The following COG6 variants were observed in gnomAD, a reference collection of about 807,000 sequenced individuals.
The protein encoded by COG6 is component of oligomeric golgi complex 6, also known as conserved oligomeric Golgi complex subunit 6.
Under a neutral mutation model 88.8 loss-of-function variants are expected in COG6, and 74 were observed. The observed-to-expected ratio is 0.83, with a 90% CI of 0.69 to 1.01. The LOEUF is 1.01. Among genes scored for constraint, COG6 ranks in the 50% least tolerant of loss-of-function variants. COG6 has a pLI of 0.00. For missense variants in COG6, 800 were observed against 797.9 expected, an observed-to-expected ratio of 1.00 and a Z score of -0.03; for synonymous variants, 286 against 278.7, an observed-to-expected ratio of 1.03 and a Z score of -0.26.
chr13:39,756,156 GT>G, downstream of COG6, among the ~76,000 whole-genome samples: 1 of 152,024 alleles, frequency 6.6e-6, no homozygotes, highest in Non-Finnish European at 1.5e-5. Flanking sequence ...TAAAAAGGAA[GT>G]TTTTAATACA....
intron 4 of COG6, among the ~76,000 whole-genome samples, chr13:39,668,705 A>G (rs1284397059): frequency 2.6e-5 from 4 of 151,686 alleles, no homozygotes; most frequent in Non-Finnish European, 4.4e-5. Flanking sequence ...GGAGAATGGC[A>G]TGAACCAGGG....
intron 3 of COG6, among the ~76,000 whole-genome samples, 193 bp downstream of exon 3, chr13:39,661,074 C>T (rs1874867919): frequency 6.6e-6 from 1 of 152,044 alleles, no homozygotes; most frequent in African/African-American, 2.4e-5. Context: ...GTTCAATTAA[C>T]TTTAGAGCAT....
chr13:39,666,803 A>G (rs955544016), intron 4 of COG6, among the ~76,000 whole-genome samples: 1 of 152,230 alleles, frequency 6.6e-6, no homozygotes, highest in Non-Finnish European at 1.5e-5. Context: ...TCTTATAAAA[A>G]CATTGAGAAA....
intron 11 of COG6, among the ~76,000 whole-genome samples, chr13:39,692,216 C>A (rs962618383): frequency 6.6e-6 from 1 of 151,860 alleles, no homozygotes; most frequent in East Asian, 1.9e-4. Context: ...CAGCATCAAC[C>A]CTATTACTTT....
At position 39,665,088 on chromosome 13, in the gene COG6, A is replaced by G; in HGVS notation, c.370-8A>G. 7.6e-7 allele frequency: 1 copy of G among 1,309,080 alleles called. No homozygotes were observed. Among genetic ancestry groups the G allele is most frequent in the Non-Finnish European group, 1.1e-6 (1 of 903,708 alleles). 81.1% of individuals were successfully genotyped at this position (1,309,080 alleles called of 1,614,324 possible). A position where few individuals can be genotyped will look rare whatever the true frequency, so the allele number is the denominator to read the frequency against. On this transcript the variant is annotated splice_polypyrimidine_tract_variant and splice_region_variant and intron_variant, in intron 3 of 18. Transcript: ENST00000455146. Reference sequence around the variant, plus strand: ...ATTTACTTATATTAGATATGTTTATAATTTTAGGCAGCAAAGGAACAGACT... The same window carrying G: ...ATTTACTTATATTAGATATGTTTATGATTTTAGGCAGCAAAGGAACAGACT...
chr13:39,703,888 A>G (rs1409946337), intron 13 of COG6, among the ~76,000 whole-genome samples: 3 of 151,420 alleles, frequency 2.0e-5, no homozygotes, highest in Admixed American at 6.6e-5. Flanking sequence ...CACCATGCCC[A>G]GCTAATTTAA....
chr13:39,713,251 ATTGT>A (rs1385387960), intron 13 of COG6, among the ~76,000 whole-genome samples: 5 of 152,180 alleles, frequency 3.3e-5, no homozygotes, highest in East Asian at 1.9e-4. Flanking sequence ...AAGTTCATAA[ATTGT>A]TTGTTTCTAA....
At chr13:39,722,139 T>C (rs1878880778) in intron 15 of COG6, among the ~76,000 whole-genome samples, 1 of 152,030 alleles carries the variant, frequency 6.6e-6, no homozygotes, top group Admixed American at 6.6e-5. Context: ...TTCTTTGATA[T>C]TTGCTCTGTA....
intron 4 of COG6, among the ~76,000 whole-genome samples, chr13:39,667,061 T>G (rs1793740005): frequency 6.6e-6 from 1 of 152,164 alleles, no homozygotes; most frequent in African/African-American, 2.4e-5. Flanking sequence ...CTAATTTTAG[T>G]GAGAGCAGTT....
chr13:39,718,677 A>G (rs908755639), intron 13 of COG6, among the ~76,000 whole-genome samples: 9 of 152,228 alleles, frequency 5.9e-5, no homozygotes, highest in African/African-American at 1.7e-4. Context: ...CTAGAGCCCA[A>G]TATATTAATG....
At chr13:39,659,802 A>G (rs112839610) in intron 2 of COG6, among the ~76,000 whole-genome samples, 41 of 152,314 alleles carry the variant, frequency 2.7e-4, no homozygotes, top group African/African-American at 7.9e-4. Context: ...ATGGCTTTCC[A>G]ATAGAAATAT....
chr13:39,696,711 T>G (rs1877294982), intron 12 of COG6, among the ~76,000 whole-genome samples: 1 of 151,166 alleles, frequency 6.6e-6, no homozygotes, highest in Admixed American at 6.6e-5. Context: ...TTATACTGAG[T>G]GGATAAGATT....
At chr13:39,746,339 G>C (rs1309401773) in intron 18 of COG6, among the ~76,000 whole-genome samples, 1 of 151,982 alleles carries the variant, frequency 6.6e-6, no homozygotes, top group African/African-American at 2.4e-5. Context: ...CTTCCCGTCA[G>C]CTATGGACTA....
chr13:39,704,418 A>C (rs1877768481), intron 13 of COG6, among the ~76,000 whole-genome samples: 1 of 152,192 alleles, frequency 6.6e-6, no homozygotes, highest in Non-Finnish European at 1.5e-5. Flanking sequence ...ACAATAAAGT[A>C]AGCTAGTGAA....
chr13:39,771,388 G>A (rs140502267), intron 18 of COG6, among the ~76,000 whole-genome samples: 1,998 of 152,286 alleles, frequency 0.013, 21 homozygotes, highest in Middle Eastern at 0.024. Flanking sequence ...GACACCTGGA[G>A]GGAGTTATAG....
intron 4 of COG6, among the ~76,000 whole-genome samples, chr13:39,669,750 G>C (rs1875506200): frequency 6.6e-6 from 1 of 152,084 alleles, no homozygotes; most frequent in South Asian, 2.1e-4. Context: ...TTTAAGCAAG[G>C]TTTATGTTTA....
chr13:39,696,020 A>G (rs1877251940), intron 12 of COG6, among the ~76,000 whole-genome samples: 1 of 152,020 alleles, frequency 6.6e-6, no homozygotes, highest in Non-Finnish European at 1.5e-5. Flanking sequence ...ATTTAAAGAT[A>G]TTGATATCTT....
intron 8 of COG6, among the ~76,000 whole-genome samples, chr13:39,685,488 C>T (rs907076424): frequency 2.0e-5 from 3 of 152,148 alleles, no homozygotes; most frequent in South Asian, 2.1e-4. Flanking sequence ...TAATTTACCC[C>T]CTATTTAAAA....
chr13:39,687,383 A>C lies in COG6; in HGVS notation c.789-120A>C. ...TTTGAAAGCAATGTTGCTTGACCGA[A>C]TATCTAAAGGAGCTTTAAGTGCTTT... On this transcript the variant is annotated intron_variant, in intron 8 of 18. Coordinates refer to ENST00000455146, the MANE Select transcript of COG6 (RefSeq NM_020751.3). 4.6e-6 allele frequency: 4 copies of C among 860,512 alleles called. No homozygotes were observed. In the East Asian group the frequency reaches 9.7e-5, roughly 21 times the overall value. 53.3% of individuals were successfully genotyped at this position (860,512 alleles called of 1,614,324 possible). A position where few individuals can be genotyped will look rare whatever the true frequency, so the allele number is the denominator to read the frequency against.
Sources: allele counts gnomAD v4.1 joint callset (sites outside exome capture counted in the v4.1 genomes callset), GRCh38; gene constraint gnomAD v4.1.1; transcripts MANE v1.5; gene names NCBI Gene and HGNC (gene_info 2026-07-23, HGNC 2026-07-21).